NAV2: variants seen among roughly 807,000 people sequenced by gnomAD.
NAV2 encodes the protein helicase, APC down-regulated 1.
A neutral mutation model predicts 223.2 loss-of-function variants in NAV2; 54 were observed. The ratio of observed to expected loss-of-function variants is 0.24; its 90% CI spans 0.19 to 0.30. The LOEUF (loss-of-function observed/expected upper bound fraction) is 0.30. Ranked by LOEUF, NAV2 falls within the 10% of genes least tolerant of loss-of-function variation. NAV2 has a pLI of 1.00. For synonymous variants in NAV2, 1,279 were observed against 1,239.3 expected (o/e 1.03, Z -0.67); for missense variants, 2,806 against 3,147.5 (o/e 0.89, Z 2.60).
At chr11:19,449,075 G>A (rs1851692615) in intron 1 of NAV2, among the ~76,000 whole-genome samples, 1 of 152,270 alleles carries the variant, frequency 6.6e-6, no homozygotes, top group East Asian at 1.9e-4. Context: ...AGCAAGGCCT[G>A]AAATTGAGCG....
rs985350633 is a variant in NAV2 at position 20,078,013 on chromosome 11, A to G, written c.5088A>G (p.Leu1696=). 1.2e-6 allele frequency: 2 copies of G among 1,613,400 alleles called. No individual in the cohort carries two copies. The highest frequency in any genetic ancestry group is 1.1e-5 in the South Asian group (1 of 90,874). ...CCTAGGACTCAGAACTGAATGAGTT[A>G]AGAAAAACCATTGAGCTGCTAAAGA... ...AEQKDSELNE[L]RKTIELLKKQ... is the part of the protein sequence containing the mutation. Residue 1696 remains leucine, a synonymous_variant, in exon 24 of 38, where the codon TTA becomes TTG. Coordinates refer to ENST00000349880, the MANE Select transcript of NAV2 (RefSeq NM_145117.5).
chr11:19,456,245 T>C (rs1301001600), intron 1 of NAV2, among the ~76,000 whole-genome samples: 1 of 152,210 alleles, frequency 6.6e-6, no homozygotes, highest in Non-Finnish European at 1.5e-5. Context: ...TCCTGGGATA[T>C]TCCTTCATGT....
At chr11:19,884,158 G>A (rs2063383872) in intron 5 of NAV2, 2 of 610,652 alleles carry the variant, frequency 3.3e-6, no homozygotes, top group South Asian at 4.7e-5. Context: ...AAAGCTGTGT[G>A]TCATAGAAAA....
At chr11:19,708,138 T>C (rs140093730), upstream of NAV2, among the ~76,000 whole-genome samples, 425 of 152,268 alleles carry the variant, frequency 2.8e-3, no homozygotes, top group Non-Finnish European at 4.1e-3. Context: ...AAGTTTGAGA[T>C]TGGAAGTGAG....
intron 1 of NAV2, among the ~76,000 whole-genome samples, chr11:19,619,950 A>C (rs2046933538): frequency 6.6e-6 from 1 of 152,188 alleles, no homozygotes. Flanking sequence ...AGGTGTAAGG[A>C]AGGGATCCAG....
At chr11:19,793,206 CAAAAAAAAA>C (rs557365857) in intron 1 of NAV2, among the ~76,000 whole-genome samples, 9 of 58,282 alleles carry the variant, frequency 1.5e-4, no homozygotes, top group African/African-American at 5.9e-4. Context: ...CACTCTGTCT[CAAAAAAAAA>C]AAAAAAAAAA....
chr11:19,725,583 G>A (rs917850130), intron 1 of NAV2, among the ~76,000 whole-genome samples: 10 of 152,186 alleles, frequency 6.6e-5, no homozygotes, highest in African/African-American at 2.4e-4. Context: ...ACTGCCTGGT[G>A]GACTCCATGG....
chr11:19,864,829 G>C (rs2061992372), intron 3 of NAV2, among the ~76,000 whole-genome samples: 1 of 152,162 alleles, frequency 6.6e-6, no homozygotes, highest in Non-Finnish European at 1.5e-5. Context: ...ATCCTGGTCT[G>C]CCCCTTTTCT....
intron 3 of NAV2, among the ~76,000 whole-genome samples, chr11:19,856,598 A>G (rs1450110319): frequency 6.6e-6 from 1 of 152,196 alleles, no homozygotes; most frequent in African/African-American, 2.4e-5. Context: ...CGTTTCTAGT[A>G]TTGTGCCTGG....
chr11:19,682,060 C>T (rs907130430), intron 1 of NAV2, among the ~76,000 whole-genome samples: 1 of 152,086 alleles, frequency 6.6e-6, no homozygotes, highest in Non-Finnish European at 1.5e-5. Context: ...CAGGGCTGCC[C>T]ACTACCACCA....
chr11:19,449,122 C>T (rs937176017), intron 1 of NAV2, among the ~76,000 whole-genome samples: 1 of 152,116 alleles, frequency 6.6e-6, no homozygotes, highest in African/African-American at 2.4e-5. Context: ...CCCTTCCAGC[C>T]CCAGCTCCTG....
Position 19,593,758 on chromosome 11 carries a change from T to TC in NAV2, c.76-238726_76-238725insC, listed in dbSNP as rs1362397925. 4.4e-4 allele frequency among the ~76,000 whole-genome samples: 4 copies of TC among 9,064 alleles called. No individual in the cohort carries two copies. The Admixed American group carries it at 0.01, about 23-fold the overall frequency. The allele number at this position is 9,064 out of a possible 152,430, so 5.9% of individuals were successfully genotyped here. The stretch of plus-strand genomic sequence containing the variant: ...GCTCTAAAAGGTATGTAGTGACACC[T>TC]TTCATGGTCTGACTTTCCATCTCCC... On this transcript the variant is annotated intron_variant, in intron 1 of 37. Coordinates refer to the NAV2 transcript ENST00000360655.
At chr11:19,770,789 C>A (rs973572687) in intron 1 of NAV2, among the ~76,000 whole-genome samples, 1 of 152,150 alleles carries the variant, frequency 6.6e-6, no homozygotes, top group Non-Finnish European at 1.5e-5. Flanking sequence ...AGAAATGACA[C>A]GTAATCTTCA....
At chr11:19,979,140 T>A (rs1439644989) in intron 10 of NAV2, 1 of 152,166 alleles carries the variant, frequency 6.6e-6, no homozygotes, top group Non-Finnish European at 1.5e-5. Flanking sequence ...TCTGGCCAGC[T>A]CCCAGAGGTC....
At chr11:19,843,916 G>C (rs1565414599) in intron 3 of NAV2, among the ~76,000 whole-genome samples, 1 of 152,092 alleles carries the variant, frequency 6.6e-6, no homozygotes, top group Non-Finnish European at 1.5e-5. Context: ...CAGTGACTTG[G>C]GCAAATAGGC....
chr11:19,708,716 A>G (rs918519465), upstream of NAV2, among the ~76,000 whole-genome samples: 2 of 152,170 alleles, frequency 1.3e-5, no homozygotes, highest in African/African-American at 4.8e-5. Context: ...GGAACTATCC[A>G]GTCTCTTAGG....
intron 1 of NAV2, among the ~76,000 whole-genome samples, chr11:19,781,292 G>A (rs1216217631): frequency 6.6e-6 from 1 of 152,168 alleles, no homozygotes; most frequent in Non-Finnish European, 1.5e-5. Flanking sequence ...GCATGAGCGT[G>A]CAGTATAGAT....
chr11:20,098,530 C>T (rs898325495), intron 31 of NAV2, among the ~76,000 whole-genome samples: 9 of 152,190 alleles, frequency 5.9e-5, no homozygotes, highest in African/African-American at 2.2e-4. Context: ...TGTCTCATTT[C>T]TTACTTCCCT....
At position 19,437,665 on chromosome 11, in the gene NAV2, A is replaced by G. The variant is rs186998533; in HGVS notation, c.75+86638A>G. Among the ~76,000 whole-genome samples, 7 of 152,248 alleles carry G rather than the reference A, an allele frequency of 4.6e-5. No individual in the cohort carries two copies. The East Asian group carries it at 1.4e-3, about 29-fold the overall frequency. ...GTTGTTGCATTTCATCAAATCTCAA[A>G]AACCATTGGTTATAACATTCACTAT... On this transcript the variant is annotated intron_variant, in intron 1 of 37. Transcript: ENST00000360655.
Sources: allele counts gnomAD v4.1 joint callset (sites outside exome capture counted in the v4.1 genomes callset), GRCh38; gene constraint gnomAD v4.1.1; transcripts MANE v1.5; gene names NCBI Gene and HGNC (gene_info 2026-07-23, HGNC 2026-07-21).